SLC14A2: variants seen among roughly 807,000 people sequenced by gnomAD.
SLC14A2 encodes urea transporter 2.
Under a neutral mutation model 104.6 loss-of-function variants are expected in SLC14A2, and 91 were observed. That is an observed-to-expected ratio of 0.87 (90% CI 0.73 to 1.04). The LOEUF (loss-of-function observed/expected upper bound fraction) is 1.04, where lower values mean the gene tolerates loss of function less well. SLC14A2 is among the 50% of genes least tolerant of loss of function. The pLI is 0.00. For synonymous variants in SLC14A2, 476 were observed against 466.4 expected, an observed-to-expected ratio of 1.02 and a Z score of -0.27; for missense variants, 1,189 against 1,156.0, an observed-to-expected ratio of 1.03 and a Z score of -0.41.
intron 2 of SLC14A2, among the ~76,000 whole-genome samples, chr18:45,562,497 A>G (rs57036888): frequency 0.027 from 4,097 of 152,258 alleles, 187 homozygotes; most frequent in African/African-American, 0.094. Context: ...GGACAGCAGG[A>G]GCAAGTGTCC....
Position 45,669,495 on chromosome 18 carries a change from C to T in SLC14A2, c.2226C>T (p.Pro742=). Residue 742 remains proline (P), a synonymous_variant, in exon 16 of 20, where the codon CCC becomes CCT. Transcript: ENST00000255226. ...PNITWSEVQV[P]LLLRAIPVGI... ...TCACCTGGTCAGAGGTCCAAGTGCC[C>T]TTGGTACGTATCATGGAAGGAGGAA... 2 of 1,612,418 alleles carry T rather than the reference C, an allele frequency of 1.2e-6. No individual in the cohort carries two copies. Among genetic ancestry groups the T allele is most frequent in the Non-Finnish European group, 1.7e-6 (2 of 1,178,852 alleles).
At chr18:45,239,665 C>G (rs770870252) in intron 1 of SLC14A2, among the ~76,000 whole-genome samples, 3 of 152,138 alleles carry the variant, frequency 2.0e-5, no homozygotes, top group African/African-American at 7.2e-5. Flanking sequence ...TCATTCTGAC[C>G]GAAAAATCTA....
At chr18:45,485,855 A>G (rs1351744142) in intron 2 of SLC14A2, among the ~76,000 whole-genome samples, 2 of 152,090 alleles carry the variant, frequency 1.3e-5, no homozygotes, top group African/African-American at 4.8e-5. Context: ...GCCAGGAGCA[A>G]TGAGCTATAG....
chr18:45,278,881 C>G (rs2144136949), intron 1 of SLC14A2, among the ~76,000 whole-genome samples: 1 of 152,334 alleles, frequency 6.6e-6, no homozygotes, highest in African/African-American at 2.4e-5. Flanking sequence ...TGGTTGCTAA[C>G]TGGTGCTTAC....
chr18:45,586,211 T>C (rs1045103668), intron 2 of SLC14A2, among the ~76,000 whole-genome samples: 1 of 151,898 alleles, frequency 6.6e-6, no homozygotes, highest in African/African-American at 2.4e-5. Context: ...CTAGGTGAGG[T>C]GGTCACAGAA....
chr18:45,177,276 C>T, the SLC14A2 span, among the ~76,000 whole-genome samples: 5 of 152,106 alleles, frequency 3.3e-5, no homozygotes, highest in Non-Finnish European at 1.5e-5. Flanking sequence ...GTGGTTGACA[C>T]CCTAATTCAT....
At chr18:45,368,171 T>G (rs2085685474) in intron 1 of SLC14A2, among the ~76,000 whole-genome samples, 1 of 152,138 alleles carries the variant, frequency 6.6e-6, no homozygotes, top group Non-Finnish European at 1.5e-5. Context: ...CACCTGAAAC[T>G]TTCTGCAGGT....
intron 2 of SLC14A2, among the ~76,000 whole-genome samples, chr18:45,587,679 C>T (rs577976837): frequency 6.6e-6 from 1 of 152,246 alleles, no homozygotes; most frequent in Non-Finnish European, 1.5e-5. Flanking sequence ...GTCACTTAAT[C>T]CAGCTCTCTG....
At chr18:45,183,930 T>TC in the SLC14A2 span, among the ~76,000 whole-genome samples, 1 of 139,256 alleles carries the variant, frequency 7.2e-6, no homozygotes, top group African/African-American at 2.7e-5. Context: ...TTTTTTTTTT[T>TC]TTTTGTGAGA....
At chr18:45,239,089 C>T (rs2084285023) in intron 1 of SLC14A2, among the ~76,000 whole-genome samples, 1 of 152,148 alleles carries the variant, frequency 6.6e-6, no homozygotes, top group Non-Finnish European at 1.5e-5. Flanking sequence ...GGAATGTTGG[C>T]CAATGACTTC....
chr18:45,385,538 TAGG>T (rs1467122238), intron 1 of SLC14A2, among the ~76,000 whole-genome samples: 2 of 151,764 alleles, frequency 1.3e-5, no homozygotes, highest in East Asian at 1.9e-4. Flanking sequence ...AGAGGGAGAG[TAGG>T]AGATTAGTAA....
chr18:45,301,314 T>G (rs1291543649), intron 1 of SLC14A2, among the ~76,000 whole-genome samples: 3 of 152,344 alleles, frequency 2.0e-5, no homozygotes, highest in East Asian at 3.9e-4. Flanking sequence ...GCAAATGATT[T>G]GCTGCATCGG....
intron 1 of SLC14A2, among the ~76,000 whole-genome samples, chr18:45,330,391 C>T (rs1411134596): frequency 6.6e-6 from 1 of 152,104 alleles, no homozygotes; most frequent in Non-Finnish European, 1.5e-5. Flanking sequence ...TATCATTAGG[C>T]TTGAGGTTGC....
chr18:45,179,122 C>A, the SLC14A2 span, among the ~76,000 whole-genome samples: 3 of 152,180 alleles, frequency 2.0e-5, no homozygotes, highest in African/African-American at 7.2e-5. Flanking sequence ...AGGGAGTTTG[C>A]TTCCTCTTTA....
chr18:45,416,517 G>A (rs758770754), intron 1 of SLC14A2, among the ~76,000 whole-genome samples: 1 of 152,118 alleles, frequency 6.6e-6, no homozygotes, highest in Non-Finnish European at 1.5e-5. Context: ...TAACCATAAT[G>A]CATTCAAGGC....
In SLC14A2 at chr18:45,668,337, C is replaced by T. The variant is rs1157566131; in HGVS notation, c.1908-12C>T. ...AAGCCCCTGCTCCACCTGACCCTCC[C>T]TCTCCTGCCAGGTCGGCCATCGCTG... On this transcript the variant is annotated splice_polypyrimidine_tract_variant and intron_variant, in intron 14 of 19. Coordinates refer to ENST00000255226, the MANE Select transcript of SLC14A2 (RefSeq NM_007163.4). The T allele has an allele frequency of 3.1e-6, 5 of 1,613,708 alleles. No homozygotes were observed. The highest frequency in any genetic ancestry group is 3.3e-5 in the Admixed American group (2 of 60,002).
At chr18:45,379,269 A>G (rs1214925611) in intron 1 of SLC14A2, among the ~76,000 whole-genome samples, 1 of 152,220 alleles carries the variant, frequency 6.6e-6, no homozygotes, top group African/African-American at 2.4e-5. Flanking sequence ...ACAGCTTTCT[A>G]TGTTAAAAAG....
intron 1 of SLC14A2, among the ~76,000 whole-genome samples, chr18:45,282,523 G>A (rs1452041367): frequency 6.6e-6 from 1 of 152,126 alleles, no homozygotes; most frequent in Admixed American, 6.5e-5. Flanking sequence ...CCAAAGGTCT[G>A]CCTTCAAAGA....
chr18:45,422,396 G>T (rs895651138), intron 1 of SLC14A2, among the ~76,000 whole-genome samples: 2 of 152,196 alleles, frequency 1.3e-5, no homozygotes, highest in Non-Finnish European at 2.9e-5. Context: ...GCAAATTTGA[G>T]TCTAGGGAGT....
Sources: gnomAD v4.1 joint callset for allele counts (sites outside exome capture counted in the v4.1 genomes callset) on GRCh38, gnomAD v4.1.1 for gene constraint, MANE v1.5 for transcripts, NCBI Gene and HGNC (gene_info 2026-07-23, HGNC 2026-07-21) for gene names.